KLHL1: variants seen among roughly 807,000 people sequenced by gnomAD.
KLHL1 encodes kelch-like protein 1.
Under a neutral mutation model 77.7 loss-of-function variants are expected in KLHL1, and 47 were observed. The ratio of observed to expected loss-of-function variants is 0.60; its 90% confidence interval spans 0.48 to 0.77. The LOEUF (loss-of-function observed/expected upper bound fraction) is 0.77. Among genes scored for constraint, KLHL1 ranks in the 30% least tolerant of loss-of-function variants. The pLI is 0.00. For missense variants in KLHL1, 925 were observed against 910.8 expected, an observed-to-expected ratio of 1.02 and a Z score of -0.20; for synonymous variants, 360 against 325.2, an observed-to-expected ratio of 1.11 and a Z score of -1.15.
intron 1 of KLHL1, among the ~76,000 whole-genome samples, chr13:70,080,609 C>G (rs1399129006): frequency 6.6e-6 from 1 of 151,886 alleles, no homozygotes; most frequent in Non-Finnish European, 1.5e-5. Context: ...TTTATTTTAT[C>G]ATTTTTGAGA....
At chr13:69,837,597 C>CATATAT (rs1879053624) in intron 6 of KLHL1, among the ~76,000 whole-genome samples, 1 of 144,986 alleles carries the variant, frequency 6.9e-6, no homozygotes, top group African/African-American at 2.6e-5. Flanking sequence ...TATATATATA[C>CATATAT]ACATACATCT....
rs984612484 is a variant in KLHL1, at chr13:69,832,171, T to A, written c.1414+6805A>T. On this transcript the variant is annotated intron_variant, in intron 6 of 10. Coordinates refer to ENST00000377844, the MANE Select transcript of KLHL1 (RefSeq NM_020866.3). ...AGGAAGTCAAACTGTCGCTGTTCACTGATGATATGATTGTATACCTAGAAT... is the reference window on the plus strand; with the variant it reads ...AGGAAGTCAAACTGTCGCTGTTCACAGATGATATGATTGTATACCTAGAAT... Among the ~76,000 whole-genome samples the A allele has an allele frequency of 3.3e-5, 5 of 149,880 alleles. No individual in the cohort carries two copies. In the East Asian group the frequency reaches 9.7e-4, roughly 29 times the overall value.
intron 6 of KLHL1, among the ~76,000 whole-genome samples, chr13:69,818,788 C>T (rs1025595478): frequency 1.3e-5 from 2 of 152,126 alleles, no homozygotes; most frequent in Admixed American, 1.3e-4. Context: ...ATACTTCAAG[C>T]TCAAAGAAAG....
chr13:69,788,330 C>T (rs1876670270), intron 7 of KLHL1, among the ~76,000 whole-genome samples: 1 of 152,090 alleles, frequency 6.6e-6, no homozygotes. Flanking sequence ...ACTATGCAGC[C>T]ATAAAAAATA....
At chr13:70,076,541 C>A (rs1887271344) in intron 1 of KLHL1, among the ~76,000 whole-genome samples, 1 of 151,402 alleles carries the variant, frequency 6.6e-6, no homozygotes, top group South Asian at 2.1e-4. Flanking sequence ...AGGAGAAAAT[C>A]TACATGACCT....
chr13:70,084,607 T>TG (rs1362146165), intron 1 of KLHL1, among the ~76,000 whole-genome samples: 3 of 122,380 alleles, frequency 2.5e-5, no homozygotes, highest in African/African-American at 9.0e-5. Flanking sequence ...TACAGGCACC[T>TG]GCCACCACGC....
intron 7 of KLHL1, among the ~76,000 whole-genome samples, chr13:69,746,090 G>A (rs1381104526): frequency 6.6e-6 from 1 of 151,202 alleles, no homozygotes; most frequent in Non-Finnish European, 1.5e-5. Flanking sequence ...ATTGCAATTG[G>A]CATTTTTAAA....
At chr13:70,073,402 C>T (rs1192433650) in intron 1 of KLHL1, among the ~76,000 whole-genome samples, 1 of 151,976 alleles carries the variant, frequency 6.6e-6, no homozygotes, top group Non-Finnish European at 1.5e-5. Context: ...ACACTAGGGC[C>T]TGTTGTGGGG....
At chr13:70,099,320 T>G (rs187492331) in intron 1 of KLHL1, among the ~76,000 whole-genome samples, 175 of 151,894 alleles carry the variant, frequency 1.2e-3, no homozygotes, top group African/African-American at 3.7e-3. Flanking sequence ...ATGAGCAGTA[T>G]TCATACTTCC....
chr13:69,797,069 T>G (rs41314442), intron 6 of KLHL1, 107 bp from the exon 7 acceptor site: 29,362 of 878,076 alleles, frequency 0.033, 600 homozygotes, highest in Admixed American at 0.063. Flanking sequence ...TCATATTCAT[T>G]TTTTTTAAAA....
Position 70,068,196 on chromosome 13 carries a change from C to A in KLHL1, c.497+39007G>T, listed in dbSNP as rs1231772170. Reference sequence around the variant, plus strand: ...CTCTACTAAAAATACAAAAAATTGGCCGGGCGTGGTGGCGGGCGCCTGTAG... The same window carrying A: ...CTCTACTAAAAATACAAAAAATTGGACGGGCGTGGTGGCGGGCGCCTGTAG... On this transcript the variant is annotated intron_variant, in intron 1 of 10. Transcript: ENST00000377844. Among the ~76,000 whole-genome samples the A allele has an allele frequency of 2.0e-5, 3 of 151,996 alleles. No homozygotes were observed. The East Asian group carries it at 5.8e-4, about 30-fold the overall frequency.
chr13:69,722,165 A>G (rs1873095067), intron 8 of KLHL1, among the ~76,000 whole-genome samples: 1 of 152,110 alleles, frequency 6.6e-6, no homozygotes, highest in East Asian at 1.9e-4. Flanking sequence ...CTTATTCTCT[A>G]TTGTTTTAAA....
chr13:69,891,767 G>T (rs908243820), intron 4 of KLHL1, among the ~76,000 whole-genome samples: 1 of 151,940 alleles, frequency 6.6e-6, no homozygotes, highest in African/African-American at 2.4e-5. Flanking sequence ...ATTATTTTGG[G>T]AAGATTCTTT....
At chr13:70,045,023 G>T (rs1886462163) in intron 1 of KLHL1, among the ~76,000 whole-genome samples, 1 of 152,064 alleles carries the variant, frequency 6.6e-6, no homozygotes, top group South Asian at 2.1e-4. Flanking sequence ...TCTCACGGGT[G>T]CTATGTATAA....
intron 4 of KLHL1, among the ~76,000 whole-genome samples, chr13:69,883,697 A>G (rs1434076702): frequency 2.0e-5 from 3 of 152,256 alleles, no homozygotes; most frequent in East Asian, 3.8e-4. Context: ...ATGAATTGAT[A>G]ATCTCTGTAG....
At chr13:70,047,273 G>A (rs1282207541) in intron 1 of KLHL1, among the ~76,000 whole-genome samples, 17 of 149,384 alleles carry the variant, frequency 1.1e-4, no homozygotes, top group African/African-American at 4.2e-4. Flanking sequence ...CAAGCTTTTG[G>A]TTAACTGAAA....
At chr13:69,934,820 T>C (rs1025973355) in intron 4 of KLHL1, among the ~76,000 whole-genome samples, 1 of 151,700 alleles carries the variant, frequency 6.6e-6, no homozygotes, top group Non-Finnish European at 1.5e-5. Context: ...TTTAACCAAA[T>C]CTACACCTGA....
intron 1 of KLHL1, among the ~76,000 whole-genome samples, chr13:69,993,494 G>A (rs553416477): frequency 6.6e-6 from 1 of 151,890 alleles, no homozygotes; most frequent in Non-Finnish European, 1.5e-5. Flanking sequence ...TTTGAACAAC[G>A]AAGAATGAAA....
intron 5 of KLHL1, among the ~76,000 whole-genome samples, chr13:69,855,107 A>G (rs1879834540): frequency 6.6e-6 from 1 of 152,016 alleles, no homozygotes; most frequent in Non-Finnish European, 1.5e-5. Flanking sequence ...AGCGTATTAG[A>G]AAATAATATG....
Sources: allele counts gnomAD v4.1 joint callset (sites outside exome capture counted in the v4.1 genomes callset), GRCh38; gene constraint gnomAD v4.1.1; transcripts MANE v1.5; gene names NCBI Gene and HGNC (gene_info 2026-07-23, HGNC 2026-07-21).